SOX5: variants seen among roughly 807,000 people sequenced by gnomAD.
SOX5 encodes SRY-box transcription factor 5, also known as transcription factor SOX-5.
SOX5 carries 9 observed loss-of-function variants against 92.0 expected under a neutral mutation model. The observed-to-expected ratio is 0.10, with a 90% confidence interval of 0.06 to 0.17. SOX5 has a LOEUF of 0.17. SOX5 is among the 10% of genes least tolerant of loss of function. The pLI, the probability that SOX5 is intolerant of heterozygous loss-of-function variation, is 1.00. For missense variants in SOX5, 642 were observed against 944.5 expected (o/e 0.68, Z 4.20); for synonymous variants, 344 against 336.3 (o/e 1.02, Z -0.25).
intron 10 of SOX5, among the ~76,000 whole-genome samples, chr12:23,570,931 ATATAT>A (rs1306502584): frequency 1.5e-3 from 25 of 16,788 alleles, no homozygotes; most frequent in Non-Finnish European, 1.8e-3. Context: ...AAAAAAAAAA[ATATAT>A]ATATATATAT....
chr12:24,451,498 G>C lies in SOX5; in HGVS notation c.-250-82859C>G, dbSNP rs111287970. Among the ~76,000 whole-genome samples, 486 of 152,212 alleles carry C rather than the reference G, an allele frequency of 3.2e-3. 2 individuals carry two copies. Among genetic ancestry groups the C allele is most frequent in the Middle Eastern group, 0.01 (3 of 294 alleles). On this transcript the variant is annotated intron_variant, in intron 1 of 4. Transcript: ENST00000446891. Reference sequence around the variant, plus strand: ...TTTTGGGTAGACGTAATTTTAACTAGGGTGAGATAATATCTCATTGTAGTT... The same window carrying C: ...TTTTGGGTAGACGTAATTTTAACTACGGTGAGATAATATCTCATTGTAGTT...
intron 4 of SOX5, among the ~76,000 whole-genome samples, chr12:24,049,143 A>C (rs1957308226): frequency 6.6e-6 from 1 of 152,210 alleles, no homozygotes; most frequent in Non-Finnish European, 1.5e-5. Flanking sequence ...AAACAACTGA[A>C]CAAATCTAGC....
intron 6 of SOX5, among the ~76,000 whole-genome samples, chr12:23,696,647 G>A (rs959796521): frequency 1.3e-5 from 2 of 151,820 alleles, no homozygotes; most frequent in African/African-American, 4.8e-5. Context: ...CTTCTATGCT[G>A]CTCTCTTTCT....
rs80213031 is a variant in SOX5 at position 23,789,314 on chromosome 12, G to C, written c.482-33590C>G. 6.0e-3 allele frequency among the ~76,000 whole-genome samples: 909 copies of C among 151,656 alleles called. 2 individuals are homozygous for C. The highest frequency in any genetic ancestry group is 8.7e-3 in the Non-Finnish European group (590 of 67,852). ...CTTAACATATATTTTAATTCTGAGG[G>C]TAACAATGGTGACTGCCAACAATAT... On this transcript the variant is annotated intron_variant, in intron 3 of 14. Coordinates refer to ENST00000451604, the MANE Select transcript of SOX5 (RefSeq NM_006940.6).
intron 11 of SOX5, among the ~76,000 whole-genome samples, chr12:23,552,203 A>G (rs1370651611): frequency 1.3e-5 from 2 of 151,936 alleles, no homozygotes; most frequent in Non-Finnish European, 2.9e-5. Context: ...TTGAGGAAAT[A>G]TGACTTTAGC....
intron 1 of SOX5, among the ~76,000 whole-genome samples, chr12:24,426,199 T>C (rs1180514763): frequency 1.3e-5 from 2 of 148,682 alleles, no homozygotes; most frequent in Admixed American, 1.4e-4. Flanking sequence ...GACTCTTGTC[T>C]CAAAAACAAA....
intron 2 of SOX5, among the ~76,000 whole-genome samples, chr12:24,284,574 C>A (rs1010239734): frequency 6.6e-6 from 1 of 152,138 alleles, no homozygotes; most frequent in African/African-American, 2.4e-5. Flanking sequence ...CATCTATGAA[C>A]CTTCTGCTAT....
At chr12:24,338,057 C>T (rs1277735672) in intron 2 of SOX5, among the ~76,000 whole-genome samples, 1 of 151,888 alleles carries the variant, frequency 6.6e-6, no homozygotes. Context: ...AAAGATCTTC[C>T]CTTTCTCTGG....
intron 1 of SOX5, among the ~76,000 whole-genome samples, chr12:23,929,894 C>G (rs180725814): frequency 6.6e-6 from 1 of 151,964 alleles, no homozygotes; most frequent in African/African-American, 2.4e-5. Context: ...ATAATAACAA[C>G]AGTTTAATCA....
At chr12:23,999,814 T>G (rs1301379018) in intron 4 of SOX5, among the ~76,000 whole-genome samples, 1 of 151,948 alleles carries the variant, frequency 6.6e-6, no homozygotes, top group African/African-American at 2.4e-5. Context: ...CAAAGGTGTT[T>G]CCAGGTGAAC....
At chr12:24,384,354 G>T (rs1466148360) in intron 1 of SOX5, among the ~76,000 whole-genome samples, 7 of 152,302 alleles carry the variant, frequency 4.6e-5, no homozygotes, top group African/African-American at 1.7e-4. Flanking sequence ...GCCTCCTGTT[G>T]TATGGCCCGG....
chr12:23,566,688 C>A (rs10743477), intron 10 of SOX5, among the ~76,000 whole-genome samples: 139,731 of 152,260 alleles, frequency 0.92, 65,332 homozygotes, highest in East Asian at 1. Context: ...ATTGTCTCTT[C>A]GGTTAAATAG....
At chr12:23,855,968 G>C (rs191493533) in intron 2 of SOX5, among the ~76,000 whole-genome samples, 1 of 152,102 alleles carries the variant, frequency 6.6e-6, no homozygotes, top group Non-Finnish European at 1.5e-5. Flanking sequence ...GGCAAAAGAA[G>C]CTTTTTGTGA....
chr12:24,352,582 T>C (rs1341390077), intron 2 of SOX5, among the ~76,000 whole-genome samples: 4 of 152,248 alleles, frequency 2.6e-5, no homozygotes, highest in African/African-American at 9.6e-5. Context: ...ACTTCTCTTT[T>C]CAAAAGTTAT....
intron 4 of SOX5, among the ~76,000 whole-genome samples, chr12:23,958,200 T>C (rs962532555): frequency 6.6e-6 from 1 of 152,100 alleles, no homozygotes; most frequent in African/African-American, 2.4e-5. Flanking sequence ...TTTTCATAAC[T>C]GGGCCATTAT....
chr12:24,039,844 C>A (rs1956358417), intron 4 of SOX5, among the ~76,000 whole-genome samples: 1 of 152,100 alleles, frequency 6.6e-6, no homozygotes, highest in Non-Finnish European at 1.5e-5. Flanking sequence ...AATCAAGAAA[C>A]TTTTATCAAA....
intron 3 of SOX5, among the ~76,000 whole-genome samples, chr12:23,832,054 G>C (rs1039267019): frequency 6.6e-6 from 1 of 151,484 alleles, no homozygotes; most frequent in East Asian, 1.9e-4. Context: ...GGGGCAGGGG[G>C]AATAAACCAC....
At chr12:23,780,488 A>G (rs148443706) in intron 3 of SOX5, among the ~76,000 whole-genome samples, 9 of 152,100 alleles carry the variant, frequency 5.9e-5, no homozygotes, top group African/African-American at 2.2e-4. Flanking sequence ...ATAAGTGCTA[A>G]CTGGGTGATA....
chr12:24,503,754 C>T (rs1221028883), intron 1 of SOX5, among the ~76,000 whole-genome samples: 1 of 152,144 alleles, frequency 6.6e-6, no homozygotes, highest in East Asian at 1.9e-4. Context: ...TGTTCTCACT[C>T]ATAAGTGGGA....
Sources: gnomAD v4.1 joint callset for allele counts (sites outside exome capture counted in the v4.1 genomes callset) on GRCh38, gnomAD v4.1.1 for gene constraint, MANE v1.5 for transcripts, NCBI Gene and HGNC (gene_info 2026-07-23, HGNC 2026-07-21) for gene names.